Variants in PTCH1 observed in about 807,000 individuals in gnomAD.
The protein encoded by PTCH1 is protein patched homolog 1.
Under a neutral mutation model 144.6 loss-of-function variants are expected in PTCH1, and 14 were observed. That is an observed-to-expected ratio of 0.10 (90% CI 0.06 to 0.15). The LOEUF (loss-of-function observed/expected upper bound fraction) is 0.15, where lower values mean the gene tolerates loss of function less well. Ranked by LOEUF, PTCH1 falls within the 10% of genes least tolerant of loss-of-function variation. PTCH1 has a pLI of 1.00. For missense variants in PTCH1, 1,623 were observed against 1,948.3 expected (o/e 0.83, Z 3.14); for synonymous variants, 833 against 793.6 (o/e 1.05, Z -0.83).
At chr9:95,494,463 A>C (rs1178743768) in intron 2 of PTCH1, 10 of 985,040 alleles carry the variant, frequency 1.0e-5, no homozygotes, top group Non-Finnish European at 1.2e-5. Flanking sequence ...GACAGGCCCA[A>C]GAACGTTGCT....
rs537435493 is a variant in PTCH1 at position 95,469,579 on chromosome 9, C to T, written c.1847+234G>A. On this transcript the variant is annotated intron_variant, in intron 13 of 23. Transcript: ENST00000331920. ...AGTTCATGATGGAAAAAGGGGTCATCGGAACCAGCATCTTGAGGGCTGTGA... is the reference window on the plus strand; with the variant it reads ...AGTTCATGATGGAAAAAGGGGTCATTGGAACCAGCATCTTGAGGGCTGTGA... Among the ~76,000 whole-genome samples the T allele has an allele frequency of 2.0e-5, 3 of 152,268 alleles. No individual in the cohort carries two copies. In the East Asian group the frequency reaches 5.8e-4, roughly 29 times the overall value.
rs574657596 is a variant in PTCH1 at position 95,451,692 on chromosome 9, C to G, written c.3450-1752G>C. The G allele has an allele frequency of 3.3e-5, 5 of 152,312 alleles. No individual in the cohort carries two copies. In the South Asian group the frequency reaches 1.0e-3, roughly 32 times the overall value. The allele number at this position is 152,312 out of a possible 1,614,324, so 9.4% of individuals were successfully genotyped here. A position where few individuals can be genotyped will look rare whatever the true frequency, so the allele number is the denominator to read the frequency against. On this transcript the variant is annotated intron_variant, in intron 20 of 23. Transcript: ENST00000331920. ...GGGGTCCCCATTATTTGCTGTTGTG[C>G]AAATGGCACTTATGGGGTGCTTGTT...
At chr9:95,455,300 G>A (rs1046615977) in intron 19 of PTCH1, among the ~76,000 whole-genome samples, 16 of 152,236 alleles carry the variant, frequency 1.1e-4, no homozygotes, top group Non-Finnish European at 2.2e-4. Context: ...TGCAGCCTAT[G>A]TGGAGACATG....
intron 1 of PTCH1, 22 bp from the exon 2 acceptor site, chr9:95,506,621 G>T: frequency 6.3e-7 from 1 of 1,581,130 alleles, no homozygotes; most frequent in Non-Finnish European, 8.6e-7. Flanking sequence ...GCAGAAGGGA[G>T]GAGTGAGCGC....
chr9:95,507,727 G>A (rs1275463089), intron 1 of PTCH1: 1 of 189,554 alleles, frequency 5.3e-6, no homozygotes, highest in African/African-American at 2.4e-5. Context: ...CCTCCAAGAT[G>A]TTAAGAAATG....
chr9:95,477,126 A>C (rs995679325), intron 10 of PTCH1, among the ~76,000 whole-genome samples: 1 of 152,266 alleles, frequency 6.6e-6, no homozygotes, highest in African/African-American at 2.4e-5. Flanking sequence ...AATGATTGGC[A>C]GAGTGTGGCC....
At chr9:95,488,429 T>C (rs1357961080) in intron 2 of PTCH1, among the ~76,000 whole-genome samples, 1 of 152,230 alleles carries the variant, frequency 6.6e-6, no homozygotes, top group African/African-American at 2.4e-5. Flanking sequence ...ATGCCATATA[T>C]ACTATTAAAT....
intron 3 of PTCH1, chr9:95,484,263 A>G (rs117464175): frequency 6.6e-6 from 1 of 152,262 alleles, no homozygotes; most frequent in East Asian, 1.9e-4. Flanking sequence ...TCCCTACAAT[A>G]CTTGTTACAG....
intron 12 of PTCH1, chr9:95,474,292 G>C (rs1005881273): frequency 2.0e-4 from 59 of 294,606 alleles, no homozygotes; most frequent in Non-Finnish European, 1.8e-4. Flanking sequence ...AAAGACTCTA[G>C]AACAGTTTCT....
intron 2 of PTCH1, among the ~76,000 whole-genome samples, chr9:95,501,040 G>A (rs191075271): frequency 2.6e-5 from 4 of 152,334 alleles, no homozygotes; most frequent in African/African-American, 7.2e-5. Context: ...GGATGGGGGA[G>A]TTATCTTAAA....
chr9:95,476,995 C>T lies in PTCH1; in HGVS notation c.1504-138G>A. 1 of 813,592 alleles carries T rather than the reference C, an allele frequency of 1.2e-6. No homozygotes were observed. The highest frequency in any genetic ancestry group is 1.5e-5 in the South Asian group (1 of 68,826). The allele number at this position is 813,592 out of a possible 1,614,324, so 50.4% of individuals were successfully genotyped here. Reference sequence around the variant, plus strand: ...CCGTAACCTCATGGTGAAGAATTCACTTGACGTCCCAAAGCCTAGCCATTT... The same window carrying T: ...CCGTAACCTCATGGTGAAGAATTCATTTGACGTCCCAAAGCCTAGCCATTT... On this transcript the variant is annotated intron_variant, in intron 10 of 23. Transcript: ENST00000331920. This position sits in a 1 kb window ranked among gnomAD's most constrained non-coding sequence, Gnocchi z 4.6.
intron 1 of PTCH1, chr9:95,507,377 G>A: frequency 1.0e-6 from 1 of 985,496 alleles, no homozygotes; most frequent in Non-Finnish European, 1.2e-6. Flanking sequence ...CCCCGGCGCT[G>A]GCCGCGGCCC....
At chr9:95,482,605 G>A (rs1045617441) in intron 3 of PTCH1, 5 of 291,952 alleles carry the variant, frequency 1.7e-5, no homozygotes, top group East Asian at 9.5e-5. Context: ...ATACTCAGGT[G>A]CGGAGATGTT....
Position 95,449,474 on chromosome 9 carries a change from C to G in PTCH1, c.3550-151G>C, listed in dbSNP as rs1838261953. 1 of 1,116,994 alleles carries G rather than the reference C, an allele frequency of 9.0e-7. No homozygotes were observed. Among genetic ancestry groups the G allele is most frequent in the Admixed American group, 2.0e-5 (1 of 48,796 alleles). The allele number at this position is 1,116,994 out of a possible 1,614,324, so 69.2% of individuals were successfully genotyped here. On this transcript the variant is annotated intron_variant, in intron 21 of 23. Transcript: ENST00000331920. The surrounding 1 kb of genome is among the most constrained non-coding windows in gnomAD (Gnocchi z 5.3). ...GTATTAACCTCCCCTTCTCTACCAC[C>G]TGGAGGACCTTCAGGTCCCGCAGCT... is the stretch of plus-strand genomic sequence containing the variant.
In PTCH1 at chr9:95,447,062, G is replaced by A. The variant is rs746984729; in HGVS notation, c.4194C>T (p.Cys1398=). ...GPGRNPRGGL[C]PGYPETDHGL... ...CGTGGTCAGTCTCAGGGTAGCCTGGGCAGAGTCCCCCTCGGGGGTTCCGCC... is the reference window on the plus strand; with the variant it reads ...CGTGGTCAGTCTCAGGGTAGCCTGGACAGAGTCCCCCTCGGGGGTTCCGCC... Residue 1398 remains cysteine (C), a synonymous_variant, in exon 23 of 24, where the codon TGC becomes TGT. Coordinates refer to ENST00000331920, the MANE Select transcript of PTCH1 (RefSeq NM_000264.5). The A allele has an allele frequency of 3.7e-6, 6 of 1,614,148 alleles. No homozygotes were observed. The highest frequency in any genetic ancestry group is 2.2e-5 in the South Asian group (2 of 91,082).
intron 2 of PTCH1, among the ~76,000 whole-genome samples, chr9:95,493,947 T>A (rs1183801365): frequency 6.6e-6 from 1 of 152,142 alleles, no homozygotes; most frequent in South Asian, 2.1e-4. Flanking sequence ...TATGAGATTG[T>A]GCCCCTGCGT....
chr9:95,460,982 C>T (rs771891579), intron 16 of PTCH1, among the ~76,000 whole-genome samples: 3 of 151,858 alleles, frequency 2.0e-5, no homozygotes, highest in Non-Finnish European at 4.4e-5. Flanking sequence ...ACCTTGAATG[C>T]CAGCAAAAAA....
intron 2 of PTCH1, among the ~76,000 whole-genome samples, chr9:95,500,016 T>C (rs1337447566): frequency 6.6e-6 from 1 of 151,996 alleles, no homozygotes; most frequent in East Asian, 1.9e-4. Context: ...CAGGTCAGCT[T>C]TGAAGGAGAA....
At chr9:95,478,638 A>G (rs1006236823) in intron 8 of PTCH1, among the ~76,000 whole-genome samples, 1 of 152,192 alleles carries the variant, frequency 6.6e-6, no homozygotes, top group African/African-American at 2.4e-5. Context: ...AACAAAGGCC[A>G]GCTCCTGTCA....
Sources: gnomAD v4.1 joint callset for allele counts (sites outside exome capture counted in the v4.1 genomes callset) on GRCh38, gnomAD v4.1.1 for gene constraint, Gnocchi (gnomAD v3.1) non-coding constraint, MANE v1.5 for transcripts, NCBI Gene and HGNC (gene_info 2026-07-23, HGNC 2026-07-21) for gene names.